Variants in GPS1 observed in about 807,000 individuals in gnomAD.
The protein encoded by GPS1 is G protein pathway suppressor 1, also known as COP9 signalosome complex subunit 1.
A neutral mutation model predicts 60.0 loss-of-function variants in GPS1; 11 were observed. That is an observed-to-expected ratio of 0.18 (90% CI 0.12 to 0.30). The LOEUF (loss-of-function observed/expected upper bound fraction) is 0.30, where lower values mean the gene tolerates loss of function less well. GPS1 is among the 10% of genes least tolerant of loss of function. The pLI, the probability that GPS1 is intolerant of heterozygous loss-of-function variation, is 1.00. For synonymous variants in GPS1, 343 were observed against 269.8 expected, an observed-to-expected ratio of 1.27 and a Z score of -2.66; for missense variants, 543 against 669.2, an observed-to-expected ratio of 0.81 and a Z score of 2.08.
chr17:82,055,596 G>A (rs1475127761), intron 6 of GPS1, 144 bp from the exon 7 acceptor site: 10 of 639,694 alleles, frequency 1.6e-5, no homozygotes, highest in Non-Finnish European at 2.2e-5. Context: ...TGTCCCCAGC[G>A]CTGAGGAACA....
At chr17:82,051,259 G>T, upstream of GPS1, 1 of 1,347,162 alleles carries the variant, frequency 7.4e-7, no homozygotes, top group East Asian at 2.9e-5. The surrounding 1 kb of genome is among the most constrained non-coding windows in gnomAD (Gnocchi z 4.1). Context: ...TCGGGGGGCA[G>T]ATCCCGCGGG....
At position 82,055,105 on chromosome 17, in the gene GPS1, C is replaced by T. The variant is rs368410006; in HGVS notation, c.688-57C>T. On this transcript the variant is annotated intron_variant, in intron 5 of 12. Coordinates refer to ENST00000578552, the MANE Select transcript of GPS1 (RefSeq NM_001321092.3). ...ATCCCCTCTCAGTCTGGGGGCTGGGCATCGAGCTCTAGGAAATGTGGAGCA... is the reference window on the plus strand; with the variant it reads ...ATCCCCTCTCAGTCTGGGGGCTGGGTATCGAGCTCTAGGAAATGTGGAGCA... 3.1e-4 allele frequency: 487 copies of T among 1,564,374 alleles called. 3 individuals are homozygous for T. The African/African-American group carries it at 5.9e-3, about 19-fold the overall frequency.
Position 82,055,780 on chromosome 17 carries a change from C to T in GPS1, c.789C>T (p.Ala263=). The change falls in exon 7 of 13, where the codon GCC becomes GCT. Residue 263 remains alanine, a synonymous_variant. Coordinates refer to ENST00000578552, the MANE Select transcript of GPS1 (RefSeq NM_001321092.3). ...ELAARKYKQA[A]KCLLLASFDH... ...CCGCCAGGAAGTACAAGCAGGCTGC[C>T]AAGTGCCTCCTGCTGGCTTCCTTTG... 2.6e-6 allele frequency: 4 copies of T among 1,564,692 alleles called. No homozygotes were observed. The highest frequency in any genetic ancestry group is 2.3e-5 in the South Asian group (2 of 85,522).
Position 82,056,001 on chromosome 17 carries a change from C to A in GPS1, c.835C>A (p.Leu279Met). The change falls in exon 8 of 13, where the codon CTG becomes ATG. Residue 279 changes from leucine (L) to methionine (M), a missense_variant and splice_region_variant. This residue lies in a region of GPS1 where 291 missense variants were observed against 353.7 expected (regional missense o/e 0.82). Coordinates refer to ENST00000578552, the MANE Select transcript of GPS1 (RefSeq NM_001321092.3). ...ASFDHCDFPE[L>M]LSPSNVAIYG... The stretch of plus-strand genomic sequence containing the variant: ...GTGACGCCAGGTCTCTGCTCCTCAG[C>A]TGCTGTCCCCCAGCAACGTGGCCAT... The A allele has an allele frequency of 6.2e-7, 1 of 1,606,890 alleles. No individual in the cohort carries two copies. The highest frequency in any genetic ancestry group is 1.1e-5 in the South Asian group (1 of 90,938).
chr17:82,054,280 C>T, intron 3 of GPS1: 1 of 742,134 alleles, frequency 1.3e-6, no homozygotes, highest in Admixed American at 3.0e-5. Context: ...GACTGTGGCT[C>T]AGGGGCCGCC....
Position 82,057,171 on chromosome 17 carries a change from C to T in GPS1, c.*44C>T, listed in dbSNP as rs749504466. ...CAGGACATCTGCACCCCCTCCCCAC[C>T]TCCACGGACCTCGGACCTCCAGGCG... On this transcript the variant is annotated 3_prime_UTR_variant, in exon 13 of 13. Transcript: ENST00000578552. 6.4e-7 allele frequency: 1 copy of T among 1,573,712 alleles called. No homozygotes were observed. Among genetic ancestry groups the T allele is most frequent in the South Asian group, 1.2e-5 (1 of 86,024 alleles).
chr17:82,054,042 G>A lies in GPS1; in HGVS notation c.301G>A (p.Ala101Thr), dbSNP rs752500668. The A allele has an allele frequency of 3.1e-6, 5 of 1,609,520 alleles. No individual in the cohort carries two copies. In the South Asian group the frequency reaches 4.4e-5, roughly 14 times the overall value. The change falls in exon 3 of 13, where the codon GCC (alanine) becomes ACC (threonine). Residue 101 changes from alanine to threonine, a missense_variant. Transcript: ENST00000578552. ...GGAGATCCACCGCAAGCTCTCAGAG[G>A]CCACCAGGTGAGGCCAGGGGCTTGG... ...YEEIHRKLSEATRELQNAPDA... is the reference protein window; with the variant it reads ...YEEIHRKLSETTRELQNAPDA...
intron 6 of GPS1, 49 bp downstream of exon 6, chr17:82,055,271 A>C: frequency 6.5e-7 from 1 of 1,530,434 alleles, no homozygotes. Context: ...CCTGTTGCTA[A>C]GTCCTCCCAG....
At chr17:82,054,131 C>T (rs1486075112) in intron 3 of GPS1, 82 bp downstream of exon 3, 10 of 1,424,184 alleles carry the variant, frequency 7.0e-6, no homozygotes, top group African/African-American at 2.8e-5. Context: ...TTCCTGTGCC[C>T]TGCATCTCCC....
chr17:82,057,024 CTG>C, intron 12 of GPS1, 27 bp from the exon 13 acceptor site: 1 of 1,609,758 alleles, frequency 6.2e-7, no homozygotes. Context: ...GGCCTGGTGG[CTG>C]TGAGCTGCTC....
chr17:82,052,136 C>T, intron 1 of GPS1, 172 bp downstream of exon 1: 1 of 986,500 alleles, frequency 1.0e-6, no homozygotes, highest in Non-Finnish European at 1.3e-6. Context: ...GGGCGCGTCT[C>T]CGCCGTGGCT....
Position 82,057,176 on chromosome 17 carries a change from C to G in GPS1, c.*49C>G. On this transcript the variant is annotated 3_prime_UTR_variant, in exon 13 of 13. Transcript: ENST00000578552. ...CATCTGCACCCCCTCCCCACCTCCA[C>G]GGACCTCGGACCTCCAGGCGGCTCA... The G allele has an allele frequency of 1.3e-6, 2 of 1,573,414 alleles. No individual in the cohort carries two copies. The highest frequency in any genetic ancestry group is 1.7e-6 in the Non-Finnish European group (2 of 1,155,746).
chr17:82,051,127 G>A (rs2030489424), upstream of GPS1: 10 of 1,327,846 alleles, frequency 7.5e-6, no homozygotes, highest in Non-Finnish European at 9.6e-6. The surrounding 1 kb of genome is among the most constrained non-coding windows in gnomAD (Gnocchi z 4.1). Context: ...TTGGCTGGCA[G>A]GGTGGGCCCT....
Position 82,053,886 on chromosome 17 carries a change from G to A in GPS1, c.145G>A (p.Ala49Thr), listed in dbSNP as rs753638195. Residue 49 changes from alanine (A) to threonine (T), a missense_variant, in exon 3 of 13, where the codon GCC becomes ACC. Ala to Thr is a moderately conservative substitution (Grantham distance 58, BLOSUM62 0). This residue lies in a region of GPS1 where 181 missense variants were observed against 188.8 expected (regional missense o/e 0.96). Transcript: ENST00000578552. Reference protein sequence around the residue: ...NPSLDLEQYAASYSGLMRIER... With the variant: ...NPSLDLEQYATSYSGLMRIER... Reference sequence around the variant, plus strand: ...CTCCCAGGATCTGGAACAGTACGCGGCCAGCTACAGCGGCCTGATGCGCAT... The same window carrying A: ...CTCCCAGGATCTGGAACAGTACGCGACCAGCTACAGCGGCCTGATGCGCAT... 1.9e-6 allele frequency: 3 copies of A among 1,611,122 alleles called. No homozygotes were observed. Among genetic ancestry groups the A allele is most frequent in the Admixed American group, 3.3e-5 (2 of 59,990 alleles).
rs749023750 is a variant in GPS1, at chr17:82,056,820, C to A, written c.1255-20C>A. ...CAGCTGGGGGTGAGCCTGGGCCCCG[C>A]TGAGCTTGTGCCTGCACAGATCCTA... On this transcript the variant is annotated intron_variant, in intron 11 of 12. Coordinates refer to ENST00000578552, the MANE Select transcript of GPS1 (RefSeq NM_001321092.3). 6.2e-7 allele frequency: 1 copy of A among 1,611,146 alleles called. No homozygotes were observed. Among genetic ancestry groups the A allele is most frequent in the Non-Finnish European group, 8.5e-7 (1 of 1,179,118 alleles).
intron 3 of GPS1, 99 bp downstream of exon 3, chr17:82,054,148 G>C: frequency 7.4e-7 from 1 of 1,347,238 alleles, no homozygotes; most frequent in African/African-American, 1.5e-5. Flanking sequence ...TCCCACCCCT[G>C]TGCTGGGAAG....
upstream of GPS1, chr17:82,051,250 C>CG (rs748681219): frequency 1.1e-5 from 15 of 1,334,324 alleles, no homozygotes; most frequent in South Asian, 1.4e-4. This position sits in a 1 kb window ranked among gnomAD's most constrained non-coding sequence, Gnocchi z 4.1. Context: ...GAGAAAGGCT[C>CG]GGGGGGCAGA....
upstream of GPS1, chr17:82,051,059 G>A: frequency 5.1e-6 from 7 of 1,381,124 alleles, no homozygotes; most frequent in Non-Finnish European, 6.5e-6. This position sits in a 1 kb window ranked among gnomAD's most constrained non-coding sequence, Gnocchi z 4.1. Flanking sequence ...CAGGGGACGT[G>A]GCACTAGCCC....
At chr17:82,054,221 C>T (rs1434842124) in intron 3 of GPS1, 172 bp downstream of exon 3, 3 of 778,960 alleles carry the variant, frequency 3.9e-6, no homozygotes, top group South Asian at 1.9e-5. Context: ...GTGTGTGTGG[C>T]TTCTGTGTGT....
Sources: gnomAD v4.1 joint callset for allele counts on GRCh38, gnomAD v4.1.1 for gene constraint, gnomAD v4.1.1 regional missense constraint, Gnocchi (gnomAD v3.1) non-coding constraint, MANE v1.5 for transcripts, NCBI Gene and HGNC (gene_info 2026-07-23, HGNC 2026-07-21) for gene names.